ZNF385D: variants seen among roughly 807,000 people sequenced by gnomAD.
The protein encoded by ZNF385D is zinc finger protein 659.
A neutral mutation model predicts 35.8 loss-of-function variants in ZNF385D; 15 were observed. The ratio of observed to expected loss-of-function variants is 0.42; its 90% confidence interval spans 0.28 to 0.64. ZNF385D has a LOEUF of 0.64. ZNF385D is among the 30% of genes least tolerant of loss of function. The pLI, the probability that ZNF385D is intolerant of heterozygous loss-of-function variation, is 0.23. For missense variants in ZNF385D, 474 were observed against 494.6 expected, an observed-to-expected ratio of 0.96 and a Z score of 0.39; for synonymous variants, 212 against 186.8, an observed-to-expected ratio of 1.13 and a Z score of -1.10.
At chr3:21,585,521 TAAAG>T (rs1185320222) in intron 2 of ZNF385D, among the ~76,000 whole-genome samples, 2 of 152,152 alleles carry the variant, frequency 1.3e-5, no homozygotes, top group Non-Finnish European at 2.9e-5. Flanking sequence ...TAAGCAAACA[TAAAG>T]AAAGGCAATC....
chr3:22,235,879 C>T (rs1260740032), intron 2 of ZNF385D, among the ~76,000 whole-genome samples: 3 of 151,808 alleles, frequency 2.0e-5, no homozygotes, highest in Non-Finnish European at 4.4e-5. Context: ...GATTCATGTT[C>T]GACAAATAAA....
intron 3 of ZNF385D, among the ~76,000 whole-genome samples, chr3:22,035,688 C>T (rs1188097771): frequency 6.6e-6 from 1 of 152,078 alleles, no homozygotes; most frequent in African/African-American, 2.4e-5. Flanking sequence ...AGCAAGACCC[C>T]TAGAAAACAA....
At chr3:21,446,053 G>A (rs1384770530) in intron 4 of ZNF385D, among the ~76,000 whole-genome samples, 1 of 152,124 alleles carries the variant, frequency 6.6e-6, no homozygotes, top group Non-Finnish European at 1.5e-5. Context: ...CACCCAAAGA[G>A]TTTGACAAAA....
chr3:21,846,221 A>T (rs1384650652), intron 3 of ZNF385D, among the ~76,000 whole-genome samples: 1 of 152,010 alleles, frequency 6.6e-6, no homozygotes, highest in Non-Finnish European at 1.5e-5. Flanking sequence ...AGCATTTGAA[A>T]GGTGATTCTG....
chr3:21,510,713 G>C (rs1434600888), intron 4 of ZNF385D, 148 bp downstream of exon 4: 1 of 1,090,904 alleles, frequency 9.2e-7, no homozygotes, highest in Non-Finnish European at 1.3e-6. Context: ...TTGGAAAAAT[G>C]AGAGGAAACA....
chr3:21,940,941 C>G (rs1694014), intron 3 of ZNF385D, among the ~76,000 whole-genome samples: 126,218 of 152,164 alleles, frequency 0.83, 52,566 homozygotes, highest in East Asian at 0.98. Flanking sequence ...AGTACTTTTA[C>G]ATAATTCATG....
chr3:22,309,498 T>C (rs1186072885), intron 2 of ZNF385D, among the ~76,000 whole-genome samples: 1 of 152,062 alleles, frequency 6.6e-6, no homozygotes, highest in Admixed American at 6.6e-5. Flanking sequence ...AGAGTATTAA[T>C]ATAAGGTCAA....
chr3:21,805,299 G>C (rs1039634049), intron 3 of ZNF385D, among the ~76,000 whole-genome samples: 1 of 149,832 alleles, frequency 6.7e-6, no homozygotes, highest in Non-Finnish European at 1.5e-5. Context: ...TAGATTTCTT[G>C]TAAATGTGGG....
intron 3 of ZNF385D, among the ~76,000 whole-genome samples, chr3:21,932,035 C>G (rs1210930523): frequency 2.6e-5 from 4 of 151,660 alleles, no homozygotes; most frequent in Non-Finnish European, 4.4e-5. Context: ...GGAGCGGTGG[C>G]GGGCACCTGT....
intron 3 of ZNF385D, among the ~76,000 whole-genome samples, chr3:21,981,285 T>C (rs528814124): frequency 9.8e-5 from 15 of 152,308 alleles, no homozygotes; most frequent in African/African-American, 3.1e-4. Context: ...TGGTAACTCA[T>C]TGTGGTTTTG....
At chr3:21,854,774 T>A (rs1696614222) in intron 3 of ZNF385D, among the ~76,000 whole-genome samples, 1 of 151,962 alleles carries the variant, frequency 6.6e-6, no homozygotes, top group Non-Finnish European at 1.5e-5. Context: ...TAATAAATAT[T>A]TGTTGACTGA....
intron 2 of ZNF385D, among the ~76,000 whole-genome samples, chr3:22,191,696 GTACT>G (rs1696044265): frequency 6.7e-6 from 1 of 149,176 alleles, no homozygotes; most frequent in South Asian, 2.1e-4. Flanking sequence ...ACAATGTGTA[GTACT>G]TGTACTTGTA....
intron 2 of ZNF385D, among the ~76,000 whole-genome samples, chr3:21,565,256 C>G (rs62236133): frequency 0.13 from 20,088 of 151,922 alleles, 1,436 homozygotes; most frequent in East Asian, 0.16. Flanking sequence ...AGAATGTTAA[C>G]CTGTGGACTT....
At chr3:21,473,891 A>G (rs1325641095) in intron 4 of ZNF385D, among the ~76,000 whole-genome samples, 1 of 152,114 alleles carries the variant, frequency 6.6e-6, no homozygotes, top group African/African-American at 2.4e-5. Flanking sequence ...TTTTAATAGT[A>G]GTTAACATAA....
chr3:21,911,368 T>A (rs1228305761), intron 3 of ZNF385D, among the ~76,000 whole-genome samples: 1 of 151,888 alleles, frequency 6.6e-6, no homozygotes, highest in Non-Finnish European at 1.5e-5. Flanking sequence ...AGATCACAGG[T>A]TTTATGGTGA....
intron 1 of ZNF385D, among the ~76,000 whole-genome samples, chr3:21,732,625 A>G (rs1021378849): frequency 5.9e-5 from 9 of 152,158 alleles, no homozygotes; most frequent in African/African-American, 1.9e-4. Context: ...TTTAATTTGC[A>G]TATCTCTAAT....
At chr3:21,931,701 G>A (rs1277527703) in intron 3 of ZNF385D, among the ~76,000 whole-genome samples, 1 of 152,142 alleles carries the variant, frequency 6.6e-6, no homozygotes, top group South Asian at 2.1e-4. Flanking sequence ...TGAGACCAGG[G>A]ATTGACTACA....
chr3:21,587,478 T>C (rs901113256), intron 2 of ZNF385D, among the ~76,000 whole-genome samples: 2 of 152,156 alleles, frequency 1.3e-5, no homozygotes, highest in Non-Finnish European at 2.9e-5. Context: ...ACTGAATGAA[T>C]AGTGACAACA....
chr3:22,125,545 C>G (rs1031273683), intron 3 of ZNF385D, among the ~76,000 whole-genome samples: 1 of 151,962 alleles, frequency 6.6e-6, no homozygotes, highest in Non-Finnish European at 1.5e-5. Flanking sequence ...AATTCATGAA[C>G]ATTCTAATCC....
Sources: gnomAD v4.1 joint callset for allele counts (sites outside exome capture counted in the v4.1 genomes callset) on GRCh38, gnomAD v4.1.1 for gene constraint, MANE v1.5 for transcripts, NCBI Gene and HGNC (gene_info 2026-07-23, HGNC 2026-07-21) for gene names.